ZNF675: variants seen among roughly 807,000 people sequenced by gnomAD.
ZNF675 encodes zinc finger protein 675.
ZNF675 carries 36 observed loss-of-function variants against 56.1 expected under a neutral mutation model. The ratio of observed to expected loss-of-function variants is 0.64; its 90% CI spans 0.49 to 0.85. The LOEUF (loss-of-function observed/expected upper bound fraction) is 0.85, where lower values mean the gene tolerates loss of function less well. ZNF675 is among the 40% of genes least tolerant of loss of function. The pLI is 0.00. For synonymous variants in ZNF675, 200 were observed against 218.9 expected (o/e 0.91, Z 0.76); for missense variants, 663 against 654.2 (o/e 1.01, Z -0.15).
chr19:23,681,042 T>C (rs566264460), intron 1 of ZNF675, among the ~76,000 whole-genome samples: 2 of 151,696 alleles, frequency 1.3e-5, no homozygotes, highest in East Asian at 3.9e-4. Context: ...GAGAGTGCAA[T>C]GTAAGTGGAA....
At chr19:23,679,145 C>T (rs1490652815) in intron 1 of ZNF675, among the ~76,000 whole-genome samples, 8 of 115,538 alleles carry the variant, frequency 6.9e-5, no homozygotes, top group African/African-American at 2.1e-4. Context: ...CCAGCCTGGG[C>T]GACAGAGCGA....
chr19:23,683,298 CATAGGAT>C (rs1220328422), intron 1 of ZNF675, among the ~76,000 whole-genome samples: 5 of 151,658 alleles, frequency 3.3e-5, no homozygotes, highest in Middle Eastern at 3.2e-3. Flanking sequence ...AAATCAAGAT[CATAGGAT>C]ATAGAACAGA....
chr19:23,673,274 G>A (rs527476721), intron 1 of ZNF675, among the ~76,000 whole-genome samples: 1 of 152,320 alleles, frequency 6.6e-6, no homozygotes, highest in South Asian at 2.1e-4. Flanking sequence ...ACAGGAGGAA[G>A]TGGAAAGTGG....
chr19:23,678,264 T>TC (rs1159925250), intron 1 of ZNF675, among the ~76,000 whole-genome samples: 1 of 143,884 alleles, frequency 7.0e-6, no homozygotes, highest in Non-Finnish European at 1.5e-5. Flanking sequence ...AAATATTCTT[T>TC]TTTTTTTTTT....
At chr19:23,681,039 C>T (rs1968369621) in intron 1 of ZNF675, among the ~76,000 whole-genome samples, 1 of 151,572 alleles carries the variant, frequency 6.6e-6, no homozygotes, top group African/African-American at 2.4e-5. Flanking sequence ...GAGGAGAGTG[C>T]AATGTAAGTG....
chr19:23,671,291 T>C (rs898966314), intron 1 of ZNF675, among the ~76,000 whole-genome samples: 2 of 152,132 alleles, frequency 1.3e-5, no homozygotes, highest in Non-Finnish European at 2.9e-5. Flanking sequence ...ACAATGTTTA[T>C]GGTGTATAAC....
intron 3 of ZNF675, chr19:23,658,587 G>A (rs943139207): frequency 6.6e-6 from 1 of 152,026 alleles, no homozygotes; most frequent in Non-Finnish European, 1.5e-5. Context: ...GGCTGAGACA[G>A]GAGAATCACT....
At chr19:23,673,815 G>A (rs764546213) in intron 1 of ZNF675, among the ~76,000 whole-genome samples, 32 of 152,088 alleles carry the variant, frequency 2.1e-4, no homozygotes, top group Non-Finnish European at 4.3e-4. Context: ...TTCTGCACAT[G>A]TATCCCAGAA....
rs753008855 is a variant in ZNF675, at chr19:23,654,307, A to C, written c.626T>G (p.Val209Gly). 40 of 1,611,052 alleles carry C rather than the reference A, an allele frequency of 2.5e-5. No individual in the cohort carries two copies. The highest frequency in any genetic ancestry group is 1.9e-4 in the Admixed American group (11 of 59,320). The change falls in exon 4 of 4, where the codon GTT becomes GGT. Residue 209 changes from valine (V) to glycine (G), a missense_variant. Coordinates refer to ENST00000359788, the MANE Select transcript of ZNF675 (RefSeq NM_138330.3). ...FCKCEECEKA[V>G]NQSSKLTKHK... The stretch of plus-strand genomic sequence containing the variant: ...TTTAGTAAGCTTTGAAGATTGGTTA[A>C]CAGCTTTTTCACATTCTTCACATTT...
intron 1 of ZNF675, among the ~76,000 whole-genome samples, chr19:23,668,044 G>C (rs974864174): frequency 7.0e-6 from 1 of 142,442 alleles, no homozygotes; most frequent in Non-Finnish European, 1.5e-5. Flanking sequence ...TGATTGGTGT[G>C]TTTACAATCC....
chr19:23,665,215 C>T (rs1042723346), intron 1 of ZNF675, among the ~76,000 whole-genome samples: 2 of 151,598 alleles, frequency 1.3e-5, no homozygotes, highest in African/African-American at 4.8e-5. Context: ...CGAGGTGGCA[C>T]TTGCTTATAA....
At chr19:23,675,121 CAG>C (rs1968279596) in intron 1 of ZNF675, among the ~76,000 whole-genome samples, 1 of 151,704 alleles carries the variant, frequency 6.6e-6, no homozygotes, top group Non-Finnish European at 1.5e-5. Flanking sequence ...ATTGGGCACA[CAG>C]TATTCACTTG....
intron 1 of ZNF675, among the ~76,000 whole-genome samples, chr19:23,682,448 A>C (rs1295478654): frequency 6.6e-6 from 1 of 151,832 alleles, no homozygotes; most frequent in Non-Finnish European, 1.5e-5. Flanking sequence ...CAAAATTTAG[A>C]AACTGCCTCA....
At chr19:23,662,799 G>C (rs574832959) in intron 2 of ZNF675, among the ~76,000 whole-genome samples, 1 of 152,112 alleles carries the variant, frequency 6.6e-6, no homozygotes, top group East Asian at 1.9e-4. Context: ...GGACAACATG[G>C]TGAAACCCTG....
At chr19:23,676,152 A>T (rs938271369) in intron 1 of ZNF675, among the ~76,000 whole-genome samples, 1 of 151,650 alleles carries the variant, frequency 6.6e-6, no homozygotes, top group Non-Finnish European at 1.5e-5. Context: ...GACTGAACAA[A>T]AAAGAAATTG....
chr19:23,681,243 G>A (rs886652507), intron 1 of ZNF675, among the ~76,000 whole-genome samples: 2 of 151,644 alleles, frequency 1.3e-5, no homozygotes, highest in Non-Finnish European at 2.9e-5. Flanking sequence ...TGGGTTTTTC[G>A]CAAGAAGCAC....
intron 1 of ZNF675, among the ~76,000 whole-genome samples, chr19:23,679,458 A>C (rs917158301): frequency 2.0e-5 from 3 of 151,724 alleles, no homozygotes; most frequent in Non-Finnish European, 4.4e-5. Context: ...AGGAAATATC[A>C]TTCCAGACAC....
chr19:23,684,129 G>A (rs1025445109), intron 1 of ZNF675, among the ~76,000 whole-genome samples: 7 of 151,934 alleles, frequency 4.6e-5, no homozygotes, highest in African/African-American at 1.4e-4. Context: ...GGGCGTGGTG[G>A]CGGGCACCTG....
chr19:23,669,975 C>T (rs1968208117), intron 1 of ZNF675, among the ~76,000 whole-genome samples: 1 of 152,132 alleles, frequency 6.6e-6, no homozygotes, highest in Non-Finnish European at 1.5e-5. Context: ...AAGTCTGGGG[C>T]CTAAAGAGGG....
Sources: allele counts gnomAD v4.1 joint callset (sites outside exome capture counted in the v4.1 genomes callset), GRCh38; gene constraint gnomAD v4.1.1; transcripts MANE v1.5; gene names NCBI Gene and HGNC (gene_info 2026-07-23, HGNC 2026-07-21).